The following SUGCT variants were observed in gnomAD, a reference collection of about 807,000 sequenced individuals.
SUGCT encodes the protein succinyl-CoA:glutarate-CoA transferase.
Under a neutral mutation model 55.0 loss-of-function variants are expected in SUGCT, and 41 were observed. The ratio of observed to expected loss-of-function variants is 0.74; its 90% CI spans 0.58 to 0.97. The LOEUF is 0.97. Ranked by LOEUF, SUGCT falls within the 50% of genes least tolerant of loss-of-function variation. The probability of loss-of-function intolerance (pLI) is 0.00; values close to 1 mark genes in which losing one functional copy is unlikely to be tolerated. For missense variants in SUGCT, 568 were observed against 547.8 expected (o/e 1.04, Z -0.37); for synonymous variants, 187 against 200.4 (o/e 0.93, Z 0.56).
intron 11 of SUGCT, among the ~76,000 whole-genome samples, chr7:40,488,748 T>G (rs912494623): frequency 2.6e-5 from 4 of 152,190 alleles, no homozygotes; most frequent in Non-Finnish European, 4.4e-5. Flanking sequence ...TATTCCTGGT[T>G]GATGGTTATT....
At chr7:40,715,589 A>G (rs1296976656) in intron 12 of SUGCT, among the ~76,000 whole-genome samples, 1 of 152,186 alleles carries the variant, frequency 6.6e-6, no homozygotes, top group African/African-American at 2.4e-5. Context: ...ACGAGCATCT[A>G]CCAAACATAA....
chr7:40,935,561 A>C, the SUGCT span, among the ~76,000 whole-genome samples: 1 of 152,180 alleles, frequency 6.6e-6, no homozygotes, highest in Non-Finnish European at 1.5e-5. Context: ...AAGGTTCATT[A>C]ATATTGAAGC....
At chr7:40,694,894 A>G (rs1181533961) in intron 12 of SUGCT, among the ~76,000 whole-genome samples, 1 of 152,122 alleles carries the variant, frequency 6.6e-6, no homozygotes, top group Non-Finnish European at 1.5e-5. Flanking sequence ...GTGGCTAGAG[A>G]TGTTTTGGGG....
At chr7:40,770,516 G>A (rs577162163) in intron 13 of SUGCT, among the ~76,000 whole-genome samples, 1 of 152,276 alleles carries the variant, frequency 6.6e-6, no homozygotes, top group South Asian at 2.1e-4. Flanking sequence ...GAGGAAAAAG[G>A]AACAAAGAGC....
the SUGCT span, among the ~76,000 whole-genome samples, chr7:40,925,090 TA>T: frequency 6.6e-6 from 1 of 152,206 alleles, no homozygotes; most frequent in African/African-American, 2.4e-5. Context: ...GGAAGAGAGC[TA>T]TAGCAGGCCA....
In SUGCT at chr7:40,541,566, A is replaced by G. The variant is rs149365544; in HGVS notation, c.1089+45180A>G. Among the ~76,000 whole-genome samples, 335 of 152,340 alleles carry G rather than the reference A, an allele frequency of 2.2e-3. 2 individuals carry two copies. The highest frequency in any genetic ancestry group is 7.9e-3 in the African/African-American group (327 of 41,576). On this transcript the variant is annotated intron_variant, in intron 12 of 13. Coordinates refer to ENST00000335693, the MANE Select transcript of SUGCT (RefSeq NM_001193313.2). ...CCTGTGGAAACTTGGAAGGATTGTA[A>G]AAACCAGCATGGTGCAATCAAGAAA...
intron 3 of SUGCT, among the ~76,000 whole-genome samples, chr7:40,185,883 T>G (rs1785475143): frequency 6.6e-6 from 1 of 152,120 alleles, no homozygotes; most frequent in East Asian, 1.9e-4. Flanking sequence ...GATTAATACA[T>G]TTTAATATTC....
At chr7:40,263,784 G>C (rs1791379811) in intron 7 of SUGCT, among the ~76,000 whole-genome samples, 1 of 152,138 alleles carries the variant, frequency 6.6e-6, no homozygotes. Flanking sequence ...CCCTTGAGTT[G>C]CCTGGCTAAT....
intron 13 of SUGCT, among the ~76,000 whole-genome samples, chr7:40,845,390 C>G (rs998884893): frequency 6.6e-6 from 1 of 152,176 alleles, no homozygotes; most frequent in Admixed American, 6.5e-5. Context: ...CCCACACAGC[C>G]TCAGGTCCAG....
At chr7:40,220,946 A>T (rs1012461483) in intron 6 of SUGCT, among the ~76,000 whole-genome samples, 1 of 152,188 alleles carries the variant, frequency 6.6e-6, no homozygotes, top group Non-Finnish European at 1.5e-5. Flanking sequence ...TGTATTGAAG[A>T]TGCATTCACA....
chr7:40,233,276 A>G (rs1319551792), intron 6 of SUGCT, among the ~76,000 whole-genome samples: 2 of 151,766 alleles, frequency 1.3e-5, no homozygotes, highest in Non-Finnish European at 2.9e-5. Flanking sequence ...CTGGAGTGCA[A>G]TGGCACGATC....
At chr7:40,907,096 AGTGTGTGTGTGTGTGTGT>A in the SUGCT span, among the ~76,000 whole-genome samples, 1 of 101,672 alleles carries the variant, frequency 9.8e-6, no homozygotes, top group South Asian at 4.3e-4. Flanking sequence ...TTGTTCTGAT[AGTGTGTGTGTGTGTGTGT>A]GTGTGTGTGT....
intron 12 of SUGCT, among the ~76,000 whole-genome samples, chr7:40,583,330 A>AT (rs561542273): frequency 9.3e-5 from 14 of 149,990 alleles, no homozygotes; most frequent in East Asian, 5.9e-4. Flanking sequence ...AGATTTTTCA[A>AT]TTTTTTTTTT....
At chr7:40,377,481 G>A (rs1784663011) in intron 9 of SUGCT, among the ~76,000 whole-genome samples, 1 of 151,602 alleles carries the variant, frequency 6.6e-6, no homozygotes, top group Non-Finnish European at 1.5e-5. Flanking sequence ...CACCTCAGGT[G>A]ATCCACCTGC....
chr7:40,672,574 A>C (rs1801993413), intron 12 of SUGCT, among the ~76,000 whole-genome samples: 1 of 152,206 alleles, frequency 6.6e-6, no homozygotes, highest in Non-Finnish European at 1.5e-5. Flanking sequence ...GAGGACAGAA[A>C]GGAAGTGGAT....
intron 11 of SUGCT, among the ~76,000 whole-genome samples, chr7:40,471,624 T>C (rs1790407614): frequency 6.6e-6 from 1 of 152,018 alleles, no homozygotes; most frequent in South Asian, 2.1e-4. Flanking sequence ...ATATTAACTT[T>C]CACAAAATTC....
chr7:40,483,003 A>G (rs113531954), intron 11 of SUGCT, among the ~76,000 whole-genome samples: 3 of 152,322 alleles, frequency 2.0e-5, no homozygotes, highest in South Asian at 2.1e-4. Flanking sequence ...AGAAAAGATA[A>G]CTTTAACCAT....
At chr7:40,847,813 T>A (rs765437759) in intron 13 of SUGCT, among the ~76,000 whole-genome samples, 4 of 151,868 alleles carry the variant, frequency 2.6e-5, no homozygotes, top group Admixed American at 2.0e-4. Flanking sequence ...GAAACTAGTA[T>A]AAAGGAAAGT....
At chr7:40,625,992 T>C (rs1252112703) in intron 12 of SUGCT, among the ~76,000 whole-genome samples, 1 of 152,238 alleles carries the variant, frequency 6.6e-6, no homozygotes, top group African/African-American at 2.4e-5. Context: ...ATTTGTATTT[T>C]CTTTTAACTA....
Sources: gnomAD v4.1 joint callset for allele counts (sites outside exome capture counted in the v4.1 genomes callset) on GRCh38, gnomAD v4.1.1 for gene constraint, MANE v1.5 for transcripts, NCBI Gene and HGNC (gene_info 2026-07-23, HGNC 2026-07-21) for gene names.